Variants in VTI1A observed in about 807,000 individuals in gnomAD.
VTI1A encodes the protein vesicle transport through interaction with t-SNAREs homolog 1A.
A neutral mutation model predicts 34.9 loss-of-function variants in VTI1A; 22 were observed. The ratio of observed to expected loss-of-function variants is 0.63; its 90% CI spans 0.45 to 0.90. VTI1A has a LOEUF of 0.90. VTI1A is among the 40% of genes least tolerant of loss of function. The pLI is 0.00. For synonymous variants in VTI1A, 87 were observed against 97.3 expected, an observed-to-expected ratio of 0.89 and a Z score of 0.62; for missense variants, 268 against 275.6, an observed-to-expected ratio of 0.97 and a Z score of 0.20.
chr10:112,711,376 A>G (rs1296237283), intron 7 of VTI1A, among the ~76,000 whole-genome samples: 1 of 152,234 alleles, frequency 6.6e-6, no homozygotes, highest in East Asian at 1.9e-4. Context: ...GGGCCATGTC[A>G]GTGTAGGTCA....
At chr10:112,577,768 G>T (rs1213538859) in intron 5 of VTI1A, among the ~76,000 whole-genome samples, 2 of 152,220 alleles carry the variant, frequency 1.3e-5, no homozygotes, top group Non-Finnish European at 2.9e-5. Flanking sequence ...ATCAAAAATT[G>T]TATTTTAAAA....
intron 5 of VTI1A, among the ~76,000 whole-genome samples, chr10:112,556,038 A>T (rs1225135743): frequency 2.0e-5 from 3 of 152,014 alleles, no homozygotes; most frequent in Non-Finnish European, 4.4e-5. Context: ...TATATGAGAA[A>T]TGAAAAGGAA....
At chr10:112,795,901 A>G (rs1246744119) in intron 7 of VTI1A, among the ~76,000 whole-genome samples, 1 of 152,112 alleles carries the variant, frequency 6.6e-6, no homozygotes, top group Non-Finnish European at 1.5e-5. Flanking sequence ...AAAAACACCC[A>G]CCACCCGAGT....
intron 7 of VTI1A, among the ~76,000 whole-genome samples, chr10:112,676,995 A>G (rs943166887): frequency 5.9e-5 from 9 of 152,192 alleles, no homozygotes; most frequent in Admixed American, 3.9e-4. Context: ...GCCATTGAAT[A>G]TAGCGATTTT....
chr10:112,814,979 A>T (rs1479010831), intron 7 of VTI1A, among the ~76,000 whole-genome samples: 1 of 151,962 alleles, frequency 6.6e-6, no homozygotes, highest in African/African-American at 2.4e-5. Flanking sequence ...TGATCACTTA[A>T]AGAGGCTACA....
At chr10:112,691,097 A>G (rs1408338626) in intron 7 of VTI1A, among the ~76,000 whole-genome samples, 1 of 151,926 alleles carries the variant, frequency 6.6e-6, no homozygotes, top group Non-Finnish European at 1.5e-5. Context: ...CGTCTCTACT[A>G]AAAATACAAA....
At chr10:112,553,736 A>T (rs1317889227) in intron 5 of VTI1A, among the ~76,000 whole-genome samples, 2 of 152,302 alleles carry the variant, frequency 1.3e-5, no homozygotes, top group East Asian at 1.9e-4. Context: ...CATTAATTCT[A>T]CCTGTGTTCC....
intron 5 of VTI1A, among the ~76,000 whole-genome samples, chr10:112,630,262 A>G (rs1261397275): frequency 6.6e-6 from 1 of 152,200 alleles, no homozygotes; most frequent in Non-Finnish European, 1.5e-5. Context: ...GAGTCACAGA[A>G]CAAAGAAAAT....
chr10:112,751,777 G>A (rs1851115599), intron 7 of VTI1A, among the ~76,000 whole-genome samples: 1 of 152,206 alleles, frequency 6.6e-6, no homozygotes. Flanking sequence ...ACATGAAAGG[G>A]TCAATTTAAT....
chr10:112,804,758 A>AGCCAGACCT (rs756978931), intron 7 of VTI1A, among the ~76,000 whole-genome samples: 1 of 151,844 alleles, frequency 6.6e-6, no homozygotes. Flanking sequence ...GAAGGACTTC[A>AGCCAGACCT]GCCAGACCTG....
At chr10:112,785,782 G>A (rs1182142940) in intron 7 of VTI1A, among the ~76,000 whole-genome samples, 2 of 152,168 alleles carry the variant, frequency 1.3e-5, no homozygotes, top group African/African-American at 4.8e-5. Context: ...AAATATAAAT[G>A]TTTATTTCTG....
Position 112,736,745 on chromosome 10 carries a change from T to C in VTI1A, c.560+67747T>C, listed in dbSNP as rs141736746. 1.2e-4 allele frequency: 183 copies of C among 1,550,840 alleles called. No individual in the cohort carries two copies. The East Asian group carries it at 4.0e-3, about 34-fold the overall frequency. On this transcript the variant is annotated intron_variant, in intron 7 of 7. Transcript: ENST00000393077. Reference sequence around the variant, plus strand: ...CAGGGGTTGTTCTGTGAAAAAACAATGTAACCTGTCTCTGGCCCCAAAGGC... The same window carrying C: ...CAGGGGTTGTTCTGTGAAAAAACAACGTAACCTGTCTCTGGCCCCAAAGGC...
chr10:112,642,977 C>A (rs201209474), intron 5 of VTI1A, among the ~76,000 whole-genome samples: 1 of 121,014 alleles, frequency 8.3e-6, no homozygotes, highest in African/African-American at 3.1e-5. Context: ...TTTTTCTTTT[C>A]TTTTTTTTTT....
At chr10:112,601,782 G>A (rs1473782976) in intron 5 of VTI1A, among the ~76,000 whole-genome samples, 1 of 152,168 alleles carries the variant, frequency 6.6e-6, no homozygotes, top group African/African-American at 2.4e-5. Context: ...ATTAGTTAAT[G>A]AGAATGGTCC....
chr10:112,593,886 G>A (rs1289675088), intron 5 of VTI1A, among the ~76,000 whole-genome samples: 1 of 148,100 alleles, frequency 6.8e-6, no homozygotes, highest in Non-Finnish European at 1.5e-5. Context: ...ACAGGTGCCC[G>A]CCACCACGCC....
chr10:112,777,638 C>G (rs1851990104), intron 7 of VTI1A, among the ~76,000 whole-genome samples: 1 of 152,168 alleles, frequency 6.6e-6, no homozygotes, highest in Non-Finnish European at 1.5e-5. Context: ...AATTCCATGC[C>G]TGACATTCAT....
intron 7 of VTI1A, among the ~76,000 whole-genome samples, chr10:112,679,415 T>C (rs1253222671): frequency 6.6e-6 from 1 of 152,216 alleles, no homozygotes; most frequent in Admixed American, 6.5e-5. Context: ...CTAGTATTAA[T>C]TGAGGTTTTC....
rs1357892918 is a variant in VTI1A at position 112,815,294 on chromosome 10, A to G, written c.565A>G (p.Ile189Val). Residue 189 changes from isoleucine (I) to valine (V), a missense_variant, in exon 8 of 8, where the codon ATC becomes GTC. Transcript: ENST00000393077. ...TTCTCCTTTGCTGTCTCCTAGAATC[A>G]TCCAGAACCGCATCCTGCTCGTCAT... ...RILTGMLRRI[I>V]QNRILLVILG... The G allele has an allele frequency of 1.9e-6, 3 of 1,613,146 alleles. No homozygotes were observed. The Admixed American group carries it at 5.0e-5, about 27-fold the overall frequency.
chr10:112,760,829 C>CA (rs1851437202), intron 7 of VTI1A, among the ~76,000 whole-genome samples: 1 of 143,894 alleles, frequency 6.9e-6, no homozygotes, highest in Non-Finnish European at 1.5e-5. Flanking sequence ...GCAGAGGTTG[C>CA]AGTGAGCGGA....
Sources: allele counts gnomAD v4.1 joint callset (sites outside exome capture counted in the v4.1 genomes callset), GRCh38; gene constraint gnomAD v4.1.1; transcripts MANE v1.5; gene names NCBI Gene and HGNC (gene_info 2026-07-23, HGNC 2026-07-21).